Variants in TRPM3 observed in about 807,000 individuals in gnomAD.
TRPM3 encodes long transient receptor potential channel 3.
Under a neutral mutation model 181.2 loss-of-function variants are expected in TRPM3, and 77 were observed. The observed-to-expected ratio is 0.42, with a 90% CI of 0.35 to 0.51. The LOEUF (loss-of-function observed/expected upper bound fraction) is 0.51. TRPM3 is among the 20% of genes least tolerant of loss of function. The probability of loss-of-function intolerance (pLI) is 0.01; values close to 1 mark genes in which losing one functional copy is unlikely to be tolerated. For missense variants in TRPM3, 1,759 were observed against 2,196.7 expected (o/e 0.80, Z 3.98); for synonymous variants, 745 against 796.4 (o/e 0.94, Z 1.09).
chr9:71,035,444 G>A (rs983172420), intron 1 of TRPM3, among the ~76,000 whole-genome samples: 2 of 152,128 alleles, frequency 1.3e-5, no homozygotes, highest in African/African-American at 4.8e-5. Flanking sequence ...GGCAATGTGC[G>A]GCAGCTCATG....
chr9:71,357,949 C>A (rs2091974852), intron 1 of TRPM3, among the ~76,000 whole-genome samples: 1 of 152,114 alleles, frequency 6.6e-6, no homozygotes, highest in African/African-American at 2.4e-5. Flanking sequence ...GGCTTGATTG[C>A]TCACTCTACC....
At chr9:71,010,549 C>G (rs937900162) in intron 1 of TRPM3, among the ~76,000 whole-genome samples, 24 of 152,076 alleles carry the variant, frequency 1.6e-4, no homozygotes, top group Non-Finnish European at 3.2e-4. Context: ...CAGGGAAATG[C>G]AAATCACAGC....
At chr9:71,084,899 C>T (rs1035525902) in intron 1 of TRPM3, among the ~76,000 whole-genome samples, 1 of 151,924 alleles carries the variant, frequency 6.6e-6, no homozygotes, top group Non-Finnish European at 1.5e-5. Context: ...CTATAGTAAC[C>T]AAAACAGCAT....
chr9:71,221,232 AGGTATTAC>A (rs1273178187), intron 1 of TRPM3, among the ~76,000 whole-genome samples: 1 of 152,232 alleles, frequency 6.6e-6, no homozygotes, highest in Non-Finnish European at 1.5e-5. Context: ...CTTGTTCATT[AGGTATTAC>A]CTACAAACCC....
At chr9:70,548,097 A>G (rs2045510956) in intron 25 of TRPM3, among the ~76,000 whole-genome samples, 1 of 152,170 alleles carries the variant, frequency 6.6e-6, no homozygotes, top group African/African-American at 2.4e-5. Context: ...CCTGTAGACA[A>G]ATGCTTTGTA....
At chr9:71,285,750 G>C (rs1314755117) in intron 1 of TRPM3, among the ~76,000 whole-genome samples, 3 of 152,244 alleles carry the variant, frequency 2.0e-5, no homozygotes, top group Non-Finnish European at 2.9e-5. Flanking sequence ...GCTTGTTCCT[G>C]CTGTTTTCAC....
At chr9:71,288,830 C>T (rs2085524213) in intron 1 of TRPM3, among the ~76,000 whole-genome samples, 1 of 152,026 alleles carries the variant, frequency 6.6e-6, no homozygotes, top group African/African-American at 2.4e-5. Flanking sequence ...AGATATGAAA[C>T]TGGAAGCTCC....
intron 1 of TRPM3, among the ~76,000 whole-genome samples, chr9:71,047,929 T>C (rs1028811740): frequency 6.6e-6 from 1 of 152,038 alleles, no homozygotes; most frequent in African/African-American, 2.4e-5. Flanking sequence ...TACCAGTGAC[T>C]CACCAATGCT....
chr9:71,127,439 T>C (rs1057043224), intron 1 of TRPM3, among the ~76,000 whole-genome samples: 3 of 152,122 alleles, frequency 2.0e-5, no homozygotes, highest in Non-Finnish European at 2.9e-5. Flanking sequence ...GACTGGACTG[T>C]CTGTGTTTCA....
chr9:71,356,543 T>C (rs1038717811), intron 1 of TRPM3, among the ~76,000 whole-genome samples: 3 of 152,180 alleles, frequency 2.0e-5, no homozygotes, highest in African/African-American at 7.2e-5. Context: ...GGCACATTAC[T>C]TCACTTAGCT....
chr9:71,150,613 G>A (rs565564390), intron 1 of TRPM3, among the ~76,000 whole-genome samples: 2 of 152,202 alleles, frequency 1.3e-5, no homozygotes, highest in East Asian at 3.9e-4. Context: ...TTATTTATAT[G>A]AAGTCAGTAT....
At chr9:70,782,176 T>C in intron 7 of TRPM3, among the ~76,000 whole-genome samples, 1 of 151,258 alleles carries the variant, frequency 6.6e-6, no homozygotes. Context: ...TTGCTAGACT[T>C]AGAGAAAGGA....
At chr9:71,240,224 A>G (rs1190631855) in intron 1 of TRPM3, among the ~76,000 whole-genome samples, 1 of 152,202 alleles carries the variant, frequency 6.6e-6, no homozygotes, top group Non-Finnish European at 1.5e-5. Flanking sequence ...CATATGTTGT[A>G]AATTAAAACA....
At chr9:71,248,049 G>A (rs2082136690) in intron 1 of TRPM3, among the ~76,000 whole-genome samples, 3 of 152,122 alleles carry the variant, frequency 2.0e-5, no homozygotes, top group Non-Finnish European at 4.4e-5. Context: ...AAATGATTGA[G>A]ATTTTAAGTA....
At chr9:70,838,666 A>G (rs144196811) in intron 5 of TRPM3, among the ~76,000 whole-genome samples, 324 of 152,256 alleles carry the variant, frequency 2.1e-3, no homozygotes, top group African/African-American at 7.5e-3. Flanking sequence ...GTGTAGGATT[A>G]TGGATAGTAA....
At chr9:71,426,020 T>C (rs2093856531) in intron 1 of TRPM3, among the ~76,000 whole-genome samples, 2 of 152,102 alleles carry the variant, frequency 1.3e-5, no homozygotes, top group African/African-American at 2.4e-5. Context: ...TTCCCTGACC[T>C]CCCTCTAATA....
chr9:70,893,721 C>T (rs777539882), intron 1 of TRPM3, among the ~76,000 whole-genome samples: 5 of 151,904 alleles, frequency 3.3e-5, no homozygotes, highest in East Asian at 1.9e-4. Context: ...CAACACGTGG[C>T]GAGATTAAAG....
At chr9:70,851,932 A>G (rs555504916) in intron 3 of TRPM3, among the ~76,000 whole-genome samples, 3 of 152,146 alleles carry the variant, frequency 2.0e-5, no homozygotes, top group South Asian at 2.1e-4. Flanking sequence ...AGCCTGGCCA[A>G]CATGGTGAAA....
intron 3 of TRPM3, among the ~76,000 whole-genome samples, chr9:70,857,888 C>T (rs10868917): frequency 0.35 from 52,848 of 152,008 alleles, 9,552 homozygotes; most frequent in African/African-American, 0.36. Flanking sequence ...CTCAAAAGTT[C>T]GCAAGTTGTG....
Sources: allele counts gnomAD v4.1 joint callset (sites outside exome capture counted in the v4.1 genomes callset), GRCh38; gene constraint gnomAD v4.1.1; transcripts MANE v1.5; gene names NCBI Gene and HGNC (gene_info 2026-07-23, HGNC 2026-07-21).